Variants in PLOD3 observed in about 807,000 individuals in gnomAD.
PLOD3 encodes the protein multifunctional procollagen lysine hydroxylase and glycosyltransferase LH3.
In PLOD3, 73 loss-of-function variants were observed where a neutral mutation model predicts 96.9. That is an observed-to-expected ratio of 0.75 (90% CI 0.62 to 0.92). The LOEUF is 0.92. Among genes scored for constraint, PLOD3 ranks in the 40% least tolerant of loss-of-function variants. The pLI, the probability that PLOD3 is intolerant of heterozygous loss-of-function variation, is 0.00. For synonymous variants in PLOD3, 454 were observed against 413.7 expected, an observed-to-expected ratio of 1.10 and a Z score of -1.18; for missense variants, 1,004 against 1,004.3, an observed-to-expected ratio of 1.00 and a Z score of 0.00.
At chr7:101,215,782 G>A (rs546476861) in intron 5 of PLOD3, 126 bp downstream of exon 5, 177 of 727,674 alleles carry the variant, frequency 2.4e-4, no homozygotes, top group African/African-American at 2.1e-3. Flanking sequence ...GATGACAGGC[G>A]TGAGCCACCA....
At chr7:101,212,718 A>T in intron 8 of PLOD3, 63 bp from the exon 9 acceptor site, 1 of 1,606,862 alleles carries the variant, frequency 6.2e-7, no homozygotes. Flanking sequence ...CCCCCACCCA[A>T]CCTCCACCCT....
rs1798085038 is a variant in PLOD3, at chr7:101,206,450, G to A, written c.2062-14C>T. 1 of 1,584,968 alleles carries A rather than the reference G, an allele frequency of 6.3e-7. No homozygotes were observed. Among genetic ancestry groups the A allele is most frequent in the Non-Finnish European group, 8.6e-7 (1 of 1,166,542 alleles). On this transcript the variant is annotated splice_polypyrimidine_tract_variant and intron_variant, in intron 18 of 18. Coordinates refer to ENST00000223127, the MANE Select transcript of PLOD3 (RefSeq NM_001084.5). ...GCAGCCACCTCCCTGGAAAGAGAAG[G>A]GAAAGGAAACATGGAGTGAGCAGAC...
intron 9 of PLOD3, 32 bp downstream of exon 9, chr7:101,212,498 C>T (rs1798199702): frequency 2.5e-6 from 4 of 1,612,080 alleles, no homozygotes; most frequent in Non-Finnish European, 3.4e-6. Context: ...GGAAAGGGTC[C>T]CTCAGGAGAG....
chr7:101,212,113 G>T, intron 10 of PLOD3, 140 bp downstream of exon 10: 1 of 1,198,928 alleles, frequency 8.3e-7, no homozygotes, highest in Non-Finnish European at 1.2e-6. Flanking sequence ...GTGACAGCAT[G>T]GGGGCTGCAA....
intron 6 of PLOD3, among the ~76,000 whole-genome samples, chr7:101,214,220 G>A (rs950432956): frequency 2.7e-5 from 4 of 150,866 alleles, no homozygotes; most frequent in Admixed American, 6.6e-5. Flanking sequence ...TCTGCCTCCC[G>A]GGTTCCAGTG....
In PLOD3 at chr7:101,216,336, G is replaced by T; in HGVS notation, c.339-10C>A. On this transcript the variant is annotated splice_polypyrimidine_tract_variant and intron_variant, in intron 3 of 18. Coordinates refer to ENST00000223127, the MANE Select transcript of PLOD3 (RefSeq NM_001084.5). ...CAGAATCACGTCGTAGCTGGGTGAG[G>T]AAGGGGAGGATGGGCAGGGGTCCAC... 6.2e-7 allele frequency: 1 copy of T among 1,613,416 alleles called. No individual in the cohort carries two copies. The highest frequency in any genetic ancestry group is 8.5e-7 in the Non-Finnish European group (1 of 1,180,030).
intron 16 of PLOD3, among the ~76,000 whole-genome samples, chr7:101,208,338 C>T (rs1343084907): frequency 1.3e-5 from 2 of 151,958 alleles, no homozygotes; most frequent in African/African-American, 4.8e-5. Context: ...CTCTGCCTCC[C>T]GGGTTCAAGC....
intron 16 of PLOD3, among the ~76,000 whole-genome samples, chr7:101,208,120 C>CA (rs1238472620): frequency 6.6e-6 from 1 of 152,148 alleles, no homozygotes; most frequent in Non-Finnish European, 1.5e-5. Context: ...TTTTTAGAGA[C>CA]AGAGTCTTGC....
At chr7:101,207,761 G>A (rs1479045220) in intron 16 of PLOD3, 37 bp from the exon 17 acceptor site, 8 of 1,612,214 alleles carry the variant, frequency 5.0e-6, no homozygotes, top group Non-Finnish European at 6.8e-6. Context: ...CGCCCCTCCA[G>A]CCATGGCGCT....
chr7:101,216,263 G>T lies in PLOD3; in HGVS notation c.402C>A (p.Ser134Arg), dbSNP rs1407701219. 1 of 1,612,920 alleles carries T rather than the reference G, an allele frequency of 6.2e-7. No individual in the cohort carries two copies. Among genetic ancestry groups the T allele is most frequent in the East Asian group, 2.2e-5 (1 of 44,880 alleles). ...ELLKKFVQSG[S>R]RLLFSAESFC... Reference sequence around the variant, plus strand: ...AGCTCTCTGCAGAGAAGAGCAGGCGGCTGCCACTCTGGACGAACTTCTTCA... The same window carrying T: ...AGCTCTCTGCAGAGAAGAGCAGGCGTCTGCCACTCTGGACGAACTTCTTCA... Residue 134 changes from serine (S) to arginine (R), a missense_variant, in exon 4 of 19, where the codon AGC (serine) becomes AGA (arginine). Around this residue, in one of 5 missense-constraint regions of PLOD3, gnomAD observed 690 missense variants for 650.2 expected, o/e 1.06. Transcript: ENST00000223127.
Position 101,212,959 on chromosome 7 carries a change from T to G in PLOD3, c.778-16A>C. The stretch of plus-strand genomic sequence containing the variant: ...TGAGCTGCAGCTGTTGGGGACAGAC[T>G]GAGGCTGAGTGGCTGAGGCCTCCAG... On this transcript the variant is annotated splice_polypyrimidine_tract_variant and intron_variant, in intron 7 of 18. Transcript: ENST00000223127. The G allele has an allele frequency of 3.8e-6, 6 of 1,588,918 alleles. No individual in the cohort carries two copies. The highest frequency in any genetic ancestry group is 1.7e-4 in the Middle Eastern group (1 of 6,004).
chr7:101,217,100 G>C (rs956450958), intron 1 of PLOD3, 66 bp downstream of exon 1: 2 of 1,427,224 alleles, frequency 1.4e-6, no homozygotes, highest in Admixed American at 5.7e-5. Flanking sequence ...GACCCTCTCC[G>C]GGCCAGGCTG....
intron 6 of PLOD3, among the ~76,000 whole-genome samples, chr7:101,214,178 G>A (rs1798231842): frequency 6.6e-6 from 1 of 151,546 alleles, no homozygotes; most frequent in African/African-American, 2.4e-5. Context: ...CCAGGCAGGA[G>A]TGCAGTGGCG....
rs1281185643 is a variant in PLOD3 at position 101,206,852 on chromosome 7, G to A, written c.1988C>T (p.Ser663Phe). The change falls in exon 18 of 19, where the codon TCT (serine) becomes TTT (phenylalanine). Residue 663 changes from serine (S) to phenylalanine (F), a missense_variant. Physicochemically the swap from Ser to Phe is radical, Grantham distance 155 (BLOSUM62 -2). Coordinates refer to ENST00000223127, the MANE Select transcript of PLOD3 (RefSeq NM_001084.5). ...GGATGAGTCGTGGTGTGGCCGCAGA[G>A]ACGGCTGCTCGTCTGGCCGGTAGCG... Reference protein sequence around the residue: ...VVRYRPDEQPSLRPHHDSSTF... With the variant: ...VVRYRPDEQPFLRPHHDSSTF... 6.4e-7 allele frequency: 1 copy of A among 1,567,366 alleles called. No homozygotes were observed. The highest frequency in any genetic ancestry group is 8.7e-7 in the Non-Finnish European group (1 of 1,155,760).
intron 15 of PLOD3, 113 bp from the exon 16 acceptor site, chr7:101,209,070 G>A: frequency 1.2e-6 from 1 of 806,842 alleles, no homozygotes; most frequent in East Asian, 2.6e-5. Flanking sequence ...CTTTGTGAGA[G>A]CAGCCGGGGA....
At chr7:101,211,547 C>T in intron 12 of PLOD3, 44 bp downstream of exon 12, 4 of 1,574,886 alleles carry the variant, frequency 2.5e-6, no homozygotes, top group Non-Finnish European at 3.4e-6. Context: ...CTACCTGGGC[C>T]CCGGGTCGGA....
chr7:101,215,629 G>A (rs1798256862), intron 5 of PLOD3, among the ~76,000 whole-genome samples: 1 of 152,104 alleles, frequency 6.6e-6, no homozygotes, highest in Non-Finnish European at 1.5e-5. Context: ...CAAGTAGCTG[G>A]GATTACAGGC....
At position 101,216,757 on chromosome 7, in the gene PLOD3, C is replaced by T; in HGVS notation, c.139G>A (p.Ala47Thr). The change falls in exon 2 of 19, where the codon GCT (alanine) becomes ACT (threonine). Residue 47 changes from alanine (A) to threonine (T), a missense_variant. By Grantham distance (58) the Ala-to-Thr change is moderately conservative (BLOSUM62 0). Transcript: ENST00000223127. Reference sequence around the variant, plus strand: ...AAACGCAGGTACCCCTCGGTTTCAGCTGTGGCCACAGTGATCACCAGCAGC... The same window carrying T: ...AAACGCAGGTACCCCTCGGTTTCAGTTGTGGCCACAGTGATCACCAGCAGC... ...EKLLVITVATAETEGYLRFLR... is the reference protein window; with the variant it reads ...EKLLVITVATTETEGYLRFLR... 1 of 1,613,920 alleles carries T rather than the reference C, an allele frequency of 6.2e-7. No individual in the cohort carries two copies. Among genetic ancestry groups the T allele is most frequent in the Non-Finnish European group, 8.5e-7 (1 of 1,179,822 alleles).
In PLOD3 at chr7:101,207,773, C is replaced by T. The variant is rs984765597; in HGVS notation, c.1789-49G>A. 13 of 1,609,240 alleles carry T rather than the reference C, an allele frequency of 8.1e-6. No individual in the cohort carries two copies. In the Admixed American group the frequency reaches 8.3e-5, roughly 10 times the overall value. On this transcript the variant is annotated intron_variant, in intron 16 of 18. Transcript: ENST00000223127. The stretch of plus-strand genomic sequence containing the variant: ...ACCCGCCCCTCCAGCCATGGCGCTC[C>T]CCACCCCAGGGCAGTCCAGCCTCCT...
Sources: gnomAD v4.1 joint callset for allele counts (sites outside exome capture counted in the v4.1 genomes callset) on GRCh38, gnomAD v4.1.1 for gene constraint, gnomAD v4.1.1 regional missense constraint, MANE v1.5 for transcripts, NCBI Gene and HGNC (gene_info 2026-07-23, HGNC 2026-07-21) for gene names.